RASAL2: variants seen among roughly 807,000 people sequenced by gnomAD.
RASAL2 encodes ras GTPase-activating protein nGAP.
A neutral mutation model predicts 128.9 loss-of-function variants in RASAL2; 58 were observed. The observed-to-expected ratio is 0.45, with a 90% confidence interval of 0.36 to 0.56. The LOEUF is 0.56. RASAL2 is among the 20% of genes least tolerant of loss of function. RASAL2 has a pLI of 0.00. For synonymous variants in RASAL2, 561 were observed against 580.8 expected, an observed-to-expected ratio of 0.97 and a Z score of 0.49; for missense variants, 1,360 against 1,601.6, an observed-to-expected ratio of 0.85 and a Z score of 2.57.
intron 1 of RASAL2, among the ~76,000 whole-genome samples, chr1:178,275,418 G>A (rs1025677689): frequency 1.2e-4 from 19 of 152,158 alleles, no homozygotes; most frequent in Non-Finnish European, 2.2e-4. Flanking sequence ...TGCATTTCAC[G>A]GCACATGTGA....
At chr1:178,182,730 A>G (rs1489182848) in intron 1 of RASAL2, among the ~76,000 whole-genome samples, 1 of 151,772 alleles carries the variant, frequency 6.6e-6, no homozygotes, top group Non-Finnish European at 1.5e-5. Context: ...CAGTTCCACT[A>G]TACATGTATA....
At chr1:178,410,782 C>G (rs1396895249) in intron 4 of RASAL2, among the ~76,000 whole-genome samples, 2 of 152,084 alleles carry the variant, frequency 1.3e-5, no homozygotes, top group Non-Finnish European at 2.9e-5. Flanking sequence ...CTCAGCATCA[C>G]TAATTATCAG....
At chr1:178,199,105 T>A (rs982467876) in intron 1 of RASAL2, among the ~76,000 whole-genome samples, 1 of 152,230 alleles carries the variant, frequency 6.6e-6, no homozygotes, top group African/African-American at 2.4e-5. Flanking sequence ...TGGGACCCGC[T>A]GAGCCAGGCA....
chr1:178,115,458 C>G (rs1445398135), intron 1 of RASAL2, among the ~76,000 whole-genome samples: 1 of 152,116 alleles, frequency 6.6e-6, no homozygotes, highest in Non-Finnish European at 1.5e-5. Context: ...GACATTTGTA[C>G]TAAGACCAAA....
Position 178,180,663 on chromosome 1 carries a change from T to TCTCACACA in RASAL2, c.202+85970_202+85971insTCACACAC, listed in dbSNP as rs1553256843. On this transcript the variant is annotated intron_variant, in intron 1 of 17. Transcript: ENST00000367649. ...GCCTGGGTGATGGAGCGAGACTGTC[T>TCTCACACA]CACACACACACACACACACACACAC... Among the ~76,000 whole-genome samples, 540 of 139,210 alleles carry TCTCACACA rather than the reference T, an allele frequency of 3.9e-3. 15 individuals carry two copies. The highest frequency in any genetic ancestry group is 0.014 in the African/African-American group (510 of 36,942). The allele number at this position is 139,210 out of a possible 152,430, so 91.3% of individuals were successfully genotyped here.
chr1:178,109,677 G>T (rs1427638809), intron 1 of RASAL2, among the ~76,000 whole-genome samples: 1 of 152,088 alleles, frequency 6.6e-6, no homozygotes, highest in Non-Finnish European at 1.5e-5. Flanking sequence ...GTTTAGCAAT[G>T]GGAAGTGAAT....
At chr1:178,355,926 T>A (rs1223670529) in intron 3 of RASAL2, among the ~76,000 whole-genome samples, 2 of 152,072 alleles carry the variant, frequency 1.3e-5, no homozygotes, top group African/African-American at 4.8e-5. Context: ...ATCCCAGCAC[T>A]TTGGGAGGCC....
chr1:178,172,179 C>T (rs1661728292), intron 1 of RASAL2, among the ~76,000 whole-genome samples: 1 of 151,942 alleles, frequency 6.6e-6, no homozygotes, highest in African/African-American at 2.4e-5. Context: ...TCCTTCATAC[C>T]ATTTTACCAT....
intron 17 of RASAL2, chr1:178,470,722 A>C: frequency 7.3e-7 from 1 of 1,365,916 alleles, no homozygotes; most frequent in South Asian, 1.1e-5. Flanking sequence ...TTATTCAAAC[A>C]GGCAAGTAAA....
At chr1:178,259,038 G>A (rs1285502970) in intron 1 of RASAL2, among the ~76,000 whole-genome samples, 2 of 151,684 alleles carry the variant, frequency 1.3e-5, no homozygotes, top group African/African-American at 4.8e-5. Context: ...CCAGACTATG[G>A]AAATATAGAG....
At chr1:178,370,222 G>T (rs1671624389) in intron 3 of RASAL2, among the ~76,000 whole-genome samples, 1 of 152,194 alleles carries the variant, frequency 6.6e-6, no homozygotes, top group Non-Finnish European at 1.5e-5. Flanking sequence ...GTGGAAGTGA[G>T]GTAAATAATA....
intron 1 of RASAL2, among the ~76,000 whole-genome samples, chr1:178,242,390 C>T (rs1489078268): frequency 6.7e-6 from 1 of 149,624 alleles, no homozygotes; most frequent in East Asian, 2.0e-4. Flanking sequence ...ATTCTTTATG[C>T]ATAGGTCTGC....
intron 3 of RASAL2, among the ~76,000 whole-genome samples, chr1:178,312,049 G>C (rs1668280726): frequency 6.6e-6 from 1 of 151,816 alleles, no homozygotes; most frequent in African/African-American, 2.4e-5. Context: ...TGAGAAAATA[G>C]AAAGTGGAGA....
intron 1 of RASAL2, among the ~76,000 whole-genome samples, chr1:178,145,760 C>T (rs1468937206): frequency 1.3e-5 from 2 of 152,198 alleles, no homozygotes; most frequent in African/African-American, 4.8e-5. Context: ...ACTGTGCCTA[C>T]AGGACCTTCT....
chr1:178,100,469 A>G (rs1468285746), intron 1 of RASAL2, among the ~76,000 whole-genome samples: 2 of 151,872 alleles, frequency 1.3e-5, no homozygotes, highest in East Asian at 3.9e-4. Flanking sequence ...GGTTGCAGCT[A>G]GCTGAGATCG....
chr1:178,365,179 A>G (rs1403189779), intron 3 of RASAL2, among the ~76,000 whole-genome samples: 1 of 151,994 alleles, frequency 6.6e-6, no homozygotes, highest in Non-Finnish European at 1.5e-5. Context: ...TCCTTGTTAC[A>G]TTGTGGCTTT....
chr1:178,427,843 AACT>A (rs1675620989), intron 5 of RASAL2, among the ~76,000 whole-genome samples: 2 of 152,028 alleles, frequency 1.3e-5, no homozygotes, highest in African/African-American at 4.8e-5. Flanking sequence ...AGATTAGTGT[AACT>A]ACTACCATGA....
chr1:178,176,791 G>A (rs931060764), intron 1 of RASAL2, among the ~76,000 whole-genome samples: 6 of 151,938 alleles, frequency 3.9e-5, no homozygotes, highest in African/African-American at 7.3e-5. Flanking sequence ...GACTACAGGC[G>A]TGTGCCACCA....
At chr1:178,450,522 C>T (rs964580875) in intron 9 of RASAL2, among the ~76,000 whole-genome samples, 4 of 152,092 alleles carry the variant, frequency 2.6e-5, no homozygotes, top group African/African-American at 4.8e-5. Flanking sequence ...TTTTTAAAAG[C>T]TTTCATTTAT....
Sources: allele counts gnomAD v4.1 joint callset (sites outside exome capture counted in the v4.1 genomes callset), GRCh38; gene constraint gnomAD v4.1.1; transcripts MANE v1.5; gene names NCBI Gene and HGNC (gene_info 2026-07-23, HGNC 2026-07-21).